The following MAN1A1 variants were observed in gnomAD, a reference collection of about 807,000 sequenced individuals.
The protein encoded by MAN1A1 is mannosidase alpha class 1A member 1, also known as mannosyl-oligosaccharide 1,2-alpha-mannosidase IA.
A neutral mutation model predicts 70.8 loss-of-function variants in MAN1A1; 29 were observed. That is an observed-to-expected ratio of 0.41 (90% CI 0.31 to 0.56). The LOEUF is 0.56. MAN1A1 is among the 20% of genes least tolerant of loss of function. The pLI is 0.29. For synonymous variants in MAN1A1, 349 were observed against 330.1 expected, an observed-to-expected ratio of 1.06 and a Z score of -0.62; for missense variants, 747 against 841.3, an observed-to-expected ratio of 0.89 and a Z score of 1.39.
Position 119,307,616 on chromosome 6 carries a change from T to C in MAN1A1, c.604-624A>G, listed in dbSNP as rs1229277444. Among the ~76,000 whole-genome samples the C allele has an allele frequency of 6.6e-5, 10 of 152,344 alleles. No individual in the cohort carries two copies. The South Asian group carries it at 1.2e-3, about 19-fold the overall frequency. ...GTGTGTATATGTATGTAACTGAAGA[T>C]TGATCCAGTATATTCCTAATTCAGA... On this transcript the variant is annotated intron_variant, in intron 2 of 12. Coordinates refer to ENST00000368468, the MANE Select transcript of MAN1A1 (RefSeq NM_005907.4).
intron 9 of MAN1A1, among the ~76,000 whole-genome samples, chr6:119,191,625 G>T (rs189891473): frequency 2.0e-5 from 3 of 152,148 alleles, no homozygotes; most frequent in Non-Finnish European, 4.4e-5. Flanking sequence ...CTTCAGAATC[G>T]TAAGTGTCTG....
Position 119,179,901 on chromosome 6 carries a change from T to G in MAN1A1, c.1880A>C (p.Glu627Ala). ...IFSDDDLLPL[E>A]HWIFNSEAHL... ...TGCCTCGCTATTGAAGATCCAATGC[T>G]CCAGTGGAAGAAGATCGTCGTCAGA... Residue 627 changes from glutamate to alanine, a missense_variant, in exon 13 of 13, where the codon GAG (glutamate) becomes GCG (alanine). Glu to Ala is a moderately radical substitution (Grantham distance 107, BLOSUM62 -1). Coordinates refer to ENST00000368468, the MANE Select transcript of MAN1A1 (RefSeq NM_005907.4). 1.9e-6 allele frequency: 3 copies of G among 1,613,270 alleles called. No individual in the cohort carries two copies. The highest frequency in any genetic ancestry group is 1.1e-5 in the South Asian group (1 of 91,072).
chr6:119,293,284 A>G (rs1772100426), intron 4 of MAN1A1, among the ~76,000 whole-genome samples: 1 of 152,114 alleles, frequency 6.6e-6, no homozygotes, highest in African/African-American at 2.4e-5. Flanking sequence ...GGATGCAGTT[A>G]TTCAACCAGT....
chr6:119,350,081 T>G (rs1194870879), upstream of MAN1A1, among the ~76,000 whole-genome samples: 10 of 152,036 alleles, frequency 6.6e-5, no homozygotes, highest in Non-Finnish European at 1.5e-4. Flanking sequence ...TGCGCTGGCC[T>G]CGGCAGGGGT....
chr6:119,255,488 C>T (rs1775433326), intron 5 of MAN1A1, among the ~76,000 whole-genome samples: 1 of 152,146 alleles, frequency 6.6e-6, no homozygotes, highest in Non-Finnish European at 1.5e-5. Flanking sequence ...CCAGTAAGTA[C>T]TTATTAAGCT....
intron 7 of MAN1A1, among the ~76,000 whole-genome samples, chr6:119,203,512 CTGAG>C (rs1214300001): frequency 1.3e-5 from 2 of 151,982 alleles, no homozygotes; most frequent in African/African-American, 4.8e-5. Context: ...ATATTTTACT[CTGAG>C]TGTCATGAGA....
intron 5 of MAN1A1, among the ~76,000 whole-genome samples, chr6:119,261,430 T>A (rs1344981717): frequency 3.3e-5 from 5 of 152,242 alleles, no homozygotes; most frequent in Non-Finnish European, 2.9e-5. Flanking sequence ...AGTGCCTATG[T>A]ACTTAGGCAC....
intron 5 of MAN1A1, among the ~76,000 whole-genome samples, chr6:119,277,793 C>T (rs567902893): frequency 2.6e-5 from 4 of 151,480 alleles, no homozygotes; most frequent in South Asian, 4.2e-4. Flanking sequence ...ACAAATTAGC[C>T]GGGCGTGGTG....
intron 2 of MAN1A1, among the ~76,000 whole-genome samples, chr6:119,328,882 G>A (rs1328746386): frequency 6.6e-6 from 1 of 152,188 alleles, no homozygotes; most frequent in East Asian, 1.9e-4. Context: ...AATGCTAAAG[G>A]TGGGGAACTG....
chr6:119,189,833 G>A lies in MAN1A1; in HGVS notation c.1377C>T (p.Ile459=), dbSNP rs757838527. The change falls in exon 10 of 13, where the codon ATC becomes ATT. Residue 459 remains isoleucine, a synonymous_variant. Coordinates refer to ENST00000368468, the MANE Select transcript of MAN1A1 (RefSeq NM_005907.4). ...IRKSSSGLTY[I]AEWKGGLLEH... ...CCAGGAGGCCCCCTTTCCACTCTGC[G>A]ATATAAGTTAGTCCGCTGCTAGACT... 11 of 1,613,904 alleles carry A rather than the reference G, an allele frequency of 6.8e-6. No homozygotes were observed. The highest frequency in any genetic ancestry group is 2.2e-5 in the East Asian group (1 of 44,878).
chr6:119,260,602 C>T (rs997661337), intron 5 of MAN1A1, among the ~76,000 whole-genome samples: 1 of 152,204 alleles, frequency 6.6e-6, no homozygotes, highest in Admixed American at 6.5e-5. Context: ...CTATACTTTG[C>T]TAATCCCTGA....
intron 4 of MAN1A1, among the ~76,000 whole-genome samples, chr6:119,297,798 TG>T (rs67996561): frequency 0.34 from 44,048 of 131,158 alleles, 7,960 homozygotes; most frequent in Non-Finnish European, 0.39. Context: ...GGAGTTTTTT[TG>T]TTTTGTTTTG....
At chr6:119,294,150 C>A (rs1160134532) in intron 4 of MAN1A1, among the ~76,000 whole-genome samples, 1 of 152,038 alleles carries the variant, frequency 6.6e-6, no homozygotes, top group Non-Finnish European at 1.5e-5. Flanking sequence ...TAAAAATCCT[C>A]TTTTGAAATA....
At chr6:119,332,056 C>A in intron 2 of MAN1A1, 1 of 436,766 alleles carries the variant, frequency 2.3e-6, no homozygotes. Context: ...CTGAGAAAAA[C>A]CAAATACTTG....
chr6:119,349,055 C>T lies in MAN1A1; in HGVS notation c.11G>A (p.Gly4Glu). 2.3e-6 allele frequency: 3 copies of T among 1,318,038 alleles called. No individual in the cohort carries two copies. Among genetic ancestry groups the T allele is most frequent in the Non-Finnish European group, 2.9e-6 (3 of 1,031,602 alleles). The allele number at this position is 1,318,038 out of a possible 1,614,324, so 81.6% of individuals were successfully genotyped here. A position where few individuals can be genotyped will look rare whatever the true frequency, so the allele number is the denominator to read the frequency against. MPV[G>E]GLLPLFSSPA... ...GCTGCTGAAGAGCGGCAACAGGCCC[C>T]CCACGGGCATCGCTCCCGCTGTCCA... The change falls in exon 2 of 13, where the codon GGG becomes GAG. Residue 4 changes from glycine to glutamate, a missense_variant. Gly to Glu is a moderately conservative substitution (Grantham distance 98, BLOSUM62 -2). Around this residue, in one of 2 missense-constraint regions of MAN1A1, gnomAD observed 328 missense variants for 293.1 expected, o/e 1.12. Coordinates refer to ENST00000368468, the MANE Select transcript of MAN1A1 (RefSeq NM_005907.4).
chr6:119,268,673 A>T (rs987844063), intron 5 of MAN1A1, among the ~76,000 whole-genome samples: 5 of 151,664 alleles, frequency 3.3e-5, no homozygotes, highest in Admixed American at 6.6e-5. Context: ...TGCAGCCTTG[A>T]CCTCCCGGGC....
In MAN1A1 at chr6:119,349,568, G is replaced by T; in HGVS notation, c.-249C>A. 2 of 986,124 alleles carry T rather than the reference G, an allele frequency of 2.0e-6. No individual in the cohort carries two copies. Among genetic ancestry groups the T allele is most frequent in the Non-Finnish European group, 2.4e-6 (2 of 830,154 alleles). The allele number at this position is 986,124 out of a possible 1,614,324, so 61.1% of individuals were successfully genotyped here. On this transcript the variant is annotated 5_prime_UTR_variant, in exon 1 of 13. Transcript: ENST00000368468. ...TCTGGGCAGGAGGGGCGCAGCGTGG[G>T]CGGGAGACTCGTCAACTTCGCCCGC...
At chr6:119,184,051 C>T (rs925404873) in intron 11 of MAN1A1, among the ~76,000 whole-genome samples, 5 of 152,062 alleles carry the variant, frequency 3.3e-5, no homozygotes, top group African/African-American at 1.2e-4. Flanking sequence ...CTCCCCCTCA[C>T]CCCTTACGCA....
At chr6:119,343,309 C>T (rs1358134550) in intron 2 of MAN1A1, among the ~76,000 whole-genome samples, 1 of 152,118 alleles carries the variant, frequency 6.6e-6, no homozygotes, top group Non-Finnish European at 1.5e-5. Flanking sequence ...CAATGCGCAA[C>T]ACTCACAGAA....
Sources: allele counts gnomAD v4.1 joint callset (sites outside exome capture counted in the v4.1 genomes callset), GRCh38; gene constraint gnomAD v4.1.1; regional missense constraint gnomAD v4.1.1; transcripts MANE v1.5; gene names NCBI Gene and HGNC (gene_info 2026-07-23, HGNC 2026-07-21).